Variants in NCAPD2 observed in about 807,000 individuals in gnomAD.
NCAPD2 encodes non-SMC condensin I complex subunit D2.
A neutral mutation model predicts 164.5 loss-of-function variants in NCAPD2; 100 were observed. The ratio of observed to expected loss-of-function variants is 0.61; its 90% CI spans 0.52 to 0.72. NCAPD2 has a LOEUF of 0.72. Among genes scored for constraint, NCAPD2 ranks in the 30% least tolerant of loss-of-function variants. NCAPD2 has a pLI of 0.00. For synonymous variants in NCAPD2, 585 were observed against 642.6 expected (o/e 0.91, Z 1.36); for missense variants, 1,560 against 1,749.2 (o/e 0.89, Z 1.93).
intron 2 of NCAPD2, among the ~76,000 whole-genome samples, chr12:6,508,272 G>GCTA (rs1946115220): frequency 6.6e-6 from 1 of 152,150 alleles, no homozygotes; most frequent in East Asian, 1.9e-4. Context: ...GGAGGTCAAG[G>GCTA]CTACAGTGAG....
At position 6,522,905 on chromosome 12, in the gene NCAPD2, A is replaced by G. The variant is rs779986183; in HGVS notation, c.2032A>G (p.Met678Val). The G allele has an allele frequency of 1.1e-5, 18 of 1,614,024 alleles. No homozygotes were observed. Among genetic ancestry groups the G allele is most frequent in the Non-Finnish European group, 1.4e-5 (16 of 1,180,024 alleles). Reference sequence around the variant, plus strand: ...CCAGGCCCTGTTTGGGGTGCGCCGTATGCTGCCTCTCATCTGGTCTAAGGA... The same window carrying G: ...CCAGGCCCTGTTTGGGGTGCGCCGTGTGCTGCCTCTCATCTGGTCTAAGGA... ...VPQALFGVRR[M>V]LPLIWSKEPG... The change falls in exon 16 of 32, where the codon ATG becomes GTG. Residue 678 changes from methionine to valine, a missense_variant. By Grantham distance (21) the Met-to-Val change is conservative. Transcript: ENST00000315579.
chr12:6,504,312 A>G (rs1441612891), intron 2 of NCAPD2, among the ~76,000 whole-genome samples: 2 of 150,530 alleles, frequency 1.3e-5, no homozygotes, highest in African/African-American at 4.9e-5. Context: ...CTGCATATGT[A>G]AGTTTTGACT....
rs781102828 is a variant in NCAPD2, at chr12:6,514,355, G to A, written c.678G>A (p.Leu226=). 2 of 1,614,192 alleles carry A rather than the reference G, an allele frequency of 1.2e-6. No homozygotes were observed. The highest frequency in any genetic ancestry group is 1.1e-5 in the South Asian group (1 of 91,086). The change falls in exon 7 of 32, where the codon CTG becomes CTA. Residue 226 remains leucine, a synonymous_variant. Coordinates refer to ENST00000315579, the MANE Select transcript of NCAPD2 (RefSeq NM_014865.4). The stretch of plus-strand genomic sequence containing the variant: ...CCACTCGGGAAGCCATAACACACCT[G>A]CTTGGTGTAGCCTTGACCCGTTATA... ...NRPTREAITH[L]LGVALTRYNH...
intron 16 of NCAPD2, 128 bp from the exon 17 acceptor site, chr12:6,523,134 G>A (rs1380918701): frequency 2.8e-6 from 4 of 1,435,744 alleles, no homozygotes; most frequent in East Asian, 4.6e-5. Context: ...TCATAGTGGG[G>A]CTTAGGGTGG....
intron 17 of NCAPD2, among the ~76,000 whole-genome samples, chr12:6,524,414 C>T (rs60533942): frequency 0.018 from 2,798 of 152,094 alleles, 97 homozygotes; most frequent in African/African-American, 0.064. Context: ...GCCAAGGCAG[C>T]AGATTACCTG....
At chr12:6,500,240 A>G (rs906776872) in intron 2 of NCAPD2, among the ~76,000 whole-genome samples, 45 of 152,220 alleles carry the variant, frequency 3.0e-4, no homozygotes, top group Non-Finnish European at 5.7e-4. Flanking sequence ...TGGGCAACAT[A>G]GTCTCTAAAA....
chr12:6,502,503 C>T (rs12314870), intron 2 of NCAPD2, among the ~76,000 whole-genome samples: 2,358 of 152,254 alleles, frequency 0.015, 62 homozygotes, highest in African/African-American at 0.055. Context: ...GTGTTTTTCT[C>T]AGGCCATTTT....
intron 6 of NCAPD2, among the ~76,000 whole-genome samples, chr12:6,512,767 TAACTC>T (rs1277459070): frequency 6.6e-6 from 1 of 152,198 alleles, no homozygotes; most frequent in Non-Finnish European, 1.5e-5. Context: ...GCTGTTCCAA[TAACTC>T]AAGCAAGAGA....
At chr12:6,511,587 C>G (rs947187625) in intron 6 of NCAPD2, among the ~76,000 whole-genome samples, 2 of 152,060 alleles carry the variant, frequency 1.3e-5, no homozygotes, top group South Asian at 2.1e-4. Flanking sequence ...CTTTGGCCCC[C>G]CAAAGTGCTG....
chr12:6,495,307 C>T, intron 2 of NCAPD2, 82 bp downstream of exon 2: 6 of 1,529,310 alleles, frequency 3.9e-6, no homozygotes, highest in Non-Finnish European at 4.5e-6. Flanking sequence ...ATTTCTGTTC[C>T]ACTACACCAG....
chr12:6,521,763 G>C lies in NCAPD2; in HGVS notation c.1715-35G>C, dbSNP rs557271742. On this transcript the variant is annotated intron_variant, in intron 14 of 31. Coordinates refer to ENST00000315579, the MANE Select transcript of NCAPD2 (RefSeq NM_014865.4). The stretch of plus-strand genomic sequence containing the variant: ...CTGTTGGATTCCCCTGTATCCCCTT[G>C]AACGAAACCATCCTGTACTTCTCTA... 26 of 1,607,266 alleles carry C rather than the reference G, an allele frequency of 1.6e-5. No homozygotes were observed. In the East Asian group the frequency reaches 5.4e-4, roughly 33 times the overall value.
chr12:6,525,487 G>T, intron 17 of NCAPD2, 96 bp from the exon 18 acceptor site: 2 of 1,406,950 alleles, frequency 1.4e-6, no homozygotes. Context: ...TATTACTTTT[G>T]TCTACTTCAG....
Position 6,516,851 on chromosome 12 carries a change from G to C in NCAPD2, c.1011G>C (p.Val337=). 1 of 1,614,152 alleles carries C rather than the reference G, an allele frequency of 6.2e-7. No homozygotes were observed. Among genetic ancestry groups the C allele is most frequent in the African/African-American group, 1.3e-5 (1 of 75,036 alleles). Residue 337 remains valine, a synonymous_variant, in exon 10 of 32, where the codon GTG becomes GTC. Coordinates refer to ENST00000315579, the MANE Select transcript of NCAPD2 (RefSeq NM_014865.4). ...DGENYMMRNA[V]LAAMAEMVLQ... is the part of the protein sequence containing the mutation. ...AGAATTACATGATGCGTAATGCTGTGCTGGCAGCCATGGCGGAGATGGTGC... is the reference window on the plus strand; with the variant it reads ...AGAATTACATGATGCGTAATGCTGTCCTGGCAGCCATGGCGGAGATGGTGC...
chr12:6,521,975 C>G lies in NCAPD2; in HGVS notation c.1892C>G (p.Ser631Cys), dbSNP rs935986083. ...VQYLQDAYSF[S>C]RKITEAIGII... Reference sequence around the variant, plus strand: ...TATCTGCAGGATGCCTACAGCTTCTCCCGGAAGATTACAGAGGCCATTGGC... The same window carrying G: ...TATCTGCAGGATGCCTACAGCTTCTGCCGGAAGATTACAGAGGCCATTGGC... Residue 631 changes from serine to cysteine, a missense_variant, in exon 15 of 32, where the codon TCC becomes TGC. Coordinates refer to ENST00000315579, the MANE Select transcript of NCAPD2 (RefSeq NM_014865.4). 6.2e-7 allele frequency: 1 copy of G among 1,613,992 alleles called. No homozygotes were observed. Among genetic ancestry groups the G allele is most frequent in the African/African-American group, 1.3e-5 (1 of 74,902 alleles).
At chr12:6,516,624 C>T (rs570434293) in intron 9 of NCAPD2, among the ~76,000 whole-genome samples, 1 of 152,296 alleles carries the variant, frequency 6.6e-6, no homozygotes, top group East Asian at 1.9e-4. Flanking sequence ...TACTACCATG[C>T]TTTCCTGTGT....
chr12:6,514,835 C>A lies in NCAPD2; in HGVS notation c.902C>A (p.Ala301Glu). The A allele has an allele frequency of 6.2e-7, 1 of 1,614,202 alleles. No individual in the cohort carries two copies. Among genetic ancestry groups the A allele is most frequent in the Non-Finnish European group, 8.5e-7 (1 of 1,180,028 alleles). Residue 301 changes from alanine to glutamate, a missense_variant, in exon 9 of 32, where the codon GCA (alanine) becomes GAA (glutamate). By Grantham distance (107) the Ala-to-Glu change is moderately radical. Transcript: ENST00000315579. ...SRDPSGTKGF[A>E]AFLTELAERV... ...GACCCTTCAGGGACAAAGGGCTTTG[C>A]AGCATTCCTGACAGAACTAGCAGAA...
chr12:6,510,941 G>T (rs1323470309), intron 5 of NCAPD2, 131 bp downstream of exon 5: 5 of 1,316,090 alleles, frequency 3.8e-6, no homozygotes, highest in Non-Finnish European at 5.3e-6. Context: ...GAACTCAAAA[G>T]TGTCACACGT....
At position 6,511,397 on chromosome 12, in the gene NCAPD2, A is replaced by T; in HGVS notation, c.587+145A>T. ...GCCCAGGCTGGAGCGCAGTGGTTCA[A>T]TCTCGGCTCACTGCAGCCTCTACCT... On this transcript the variant is annotated intron_variant, in intron 6 of 31. Transcript: ENST00000315579. 3.1e-6 allele frequency: 3 copies of T among 973,600 alleles called. No homozygotes were observed. In the South Asian group the frequency reaches 5.3e-5, roughly 17 times the overall value. The allele number at this position is 973,600 out of a possible 1,614,324, so 60.3% of individuals were successfully genotyped here.
In NCAPD2 at chr12:6,522,353, A is replaced by G. The variant is rs111558193; in HGVS notation, c.1954+316A>G. Among the ~76,000 whole-genome samples the G allele has an allele frequency of 8.1e-3, 1,235 of 152,210 alleles. 5 individuals are homozygous for G. Among genetic ancestry groups the G allele is most frequent in the Non-Finnish European group, 0.014 (919 of 68,020 alleles). On this transcript the variant is annotated intron_variant, in intron 15 of 31. Transcript: ENST00000315579. ...GTAATCCCTACAAAACTGGGAGGCCAAAGCAGGAAGACAGGTTGAGGCCAG... is the reference window on the plus strand; with the variant it reads ...GTAATCCCTACAAAACTGGGAGGCCGAAGCAGGAAGACAGGTTGAGGCCAG...
Sources: gnomAD v4.1 joint callset for allele counts (sites outside exome capture counted in the v4.1 genomes callset) on GRCh38, gnomAD v4.1.1 for gene constraint, MANE v1.5 for transcripts, NCBI Gene and HGNC (gene_info 2026-07-23, HGNC 2026-07-21) for gene names.